The following ST6GALNAC3 variants were observed in gnomAD, a reference collection of about 807,000 sequenced individuals.
ST6GALNAC3 encodes the protein alpha-N-acetylgalactosaminide alpha-2,6-sialyltransferase 3.
ST6GALNAC3 carries 25 observed loss-of-function variants against 32.7 expected under a neutral mutation model. That is an observed-to-expected ratio of 0.76 (90% CI 0.56 to 1.07). The LOEUF (loss-of-function observed/expected upper bound fraction) is 1.07, where lower values mean the gene tolerates loss of function less well. ST6GALNAC3 is among the 50% of genes least tolerant of loss of function. ST6GALNAC3 has a pLI of 0.00. For missense variants in ST6GALNAC3, 355 were observed against 382.4 expected (o/e 0.93, Z 0.60); for synonymous variants, 129 against 133.1 (o/e 0.97, Z 0.21).
chr1:76,572,107 A>C lies in ST6GALNAC3; in HGVS notation c.624-55345A>C, dbSNP rs183627934. Among the ~76,000 whole-genome samples, 541 of 148,002 alleles carry C rather than the reference A, an allele frequency of 3.7e-3. 1 individual carries two copies. Among genetic ancestry groups the C allele is most frequent in the Non-Finnish European group, 5.2e-3 (350 of 67,902 alleles). ...AAAAACATCATTCAGAATTGTTGCT[A>C]TCATTCCTTTTTTTTCCTCTTTTTT... On this transcript the variant is annotated intron_variant, in intron 3 of 4. Coordinates refer to ENST00000328299, the MANE Select transcript of ST6GALNAC3 (RefSeq NM_152996.4).
chr1:76,121,123 C>T (rs1648845925), intron 1 of ST6GALNAC3, among the ~76,000 whole-genome samples: 1 of 152,204 alleles, frequency 6.6e-6, no homozygotes, highest in Non-Finnish European at 1.5e-5. Flanking sequence ...ACAATCCCCC[C>T]ATCTCAAGAT....
chr1:76,159,007 G>GGTCGT (rs1388547283), intron 1 of ST6GALNAC3, among the ~76,000 whole-genome samples: 1 of 152,112 alleles, frequency 6.6e-6, no homozygotes, highest in Non-Finnish European at 1.5e-5. Flanking sequence ...AATGTGCCAG[G>GGTCGT]GTCGTGTGGT....
intron 2 of ST6GALNAC3, among the ~76,000 whole-genome samples, chr1:76,401,430 C>G (rs957232469): frequency 6.6e-6 from 1 of 152,108 alleles, no homozygotes; most frequent in African/African-American, 2.4e-5. Context: ...CACTAGACTC[C>G]AATCTCATTG....
chr1:76,174,275 C>T (rs1413497299), intron 1 of ST6GALNAC3, among the ~76,000 whole-genome samples: 6 of 152,214 alleles, frequency 3.9e-5, no homozygotes, highest in South Asian at 2.1e-4. Context: ...ATTGTGAATA[C>T]GTGGACACAG....
intron 2 of ST6GALNAC3, among the ~76,000 whole-genome samples, chr1:76,374,490 C>T (rs1169015157): frequency 2.0e-5 from 3 of 152,164 alleles, no homozygotes; most frequent in Non-Finnish European, 2.9e-5. Context: ...TTTTATTACA[C>T]TTTTATAATC....
chr1:76,611,959 A>G (rs922273873), intron 3 of ST6GALNAC3, among the ~76,000 whole-genome samples: 3 of 152,234 alleles, frequency 2.0e-5, no homozygotes, highest in Non-Finnish European at 4.4e-5. Context: ...ACCCAGCTGT[A>G]CTTTCTCAGT....
chr1:76,225,158 T>A (rs1379292142), intron 1 of ST6GALNAC3, among the ~76,000 whole-genome samples: 1 of 152,088 alleles, frequency 6.6e-6, no homozygotes, highest in Non-Finnish European at 1.5e-5. Context: ...TTTCAAAGTG[T>A]ATTTGATGCA....
intron 2 of ST6GALNAC3, among the ~76,000 whole-genome samples, chr1:76,347,354 TCCACCCAC>T (rs1052552476): frequency 2.0e-5 from 3 of 152,146 alleles, no homozygotes; most frequent in African/African-American, 7.2e-5. Context: ...CATCCATTCA[TCCACCCAC>T]CCACTTACTT....
rs79596239 is a variant in ST6GALNAC3, at chr1:76,089,925, A to G, written c.18+15041A>G. Among the ~76,000 whole-genome samples the G allele has an allele frequency of 7.3e-3, 1,109 of 152,334 alleles. 9 individuals are homozygous for G. Among genetic ancestry groups the G allele is most frequent in the African/African-American group, 0.026 (1,065 of 41,578 alleles). On this transcript the variant is annotated intron_variant, in intron 1 of 4. Transcript: ENST00000328299. Reference sequence around the variant, plus strand: ...ACTTTATAGCATCTCTTTGAGGTAGATGTGTCCCCATTTTATAAATGGAGA... The same window carrying G: ...ACTTTATAGCATCTCTTTGAGGTAGGTGTGTCCCCATTTTATAAATGGAGA...
intron 2 of ST6GALNAC3, among the ~76,000 whole-genome samples, chr1:76,323,751 A>G (rs1229954406): frequency 6.6e-6 from 1 of 152,240 alleles, no homozygotes; most frequent in African/African-American, 2.4e-5. Flanking sequence ...TGGAGATAAT[A>G]CTTCAAAATA....
intron 1 of ST6GALNAC3, among the ~76,000 whole-genome samples, chr1:76,295,253 C>A (rs1660330535): frequency 6.6e-6 from 1 of 152,052 alleles, no homozygotes; most frequent in Non-Finnish European, 1.5e-5. Context: ...ATTTTTCAAA[C>A]TAAAGAGACC....
At chr1:76,456,808 T>C (rs1347197771) in intron 3 of ST6GALNAC3, among the ~76,000 whole-genome samples, 1 of 152,246 alleles carries the variant, frequency 6.6e-6, no homozygotes, top group East Asian at 1.9e-4. Context: ...AGGGATGCCC[T>C]CTCTCACCAC....
At chr1:76,145,313 A>G (rs1650605247) in intron 1 of ST6GALNAC3, among the ~76,000 whole-genome samples, 1 of 152,174 alleles carries the variant, frequency 6.6e-6, no homozygotes, top group Non-Finnish European at 1.5e-5. Flanking sequence ...CTTTTCACCC[A>G]GTCTATTTCA....
At chr1:76,592,930 A>G (rs1156614267) in intron 3 of ST6GALNAC3, among the ~76,000 whole-genome samples, 2 of 152,184 alleles carry the variant, frequency 1.3e-5, no homozygotes, top group Admixed American at 1.3e-4. Context: ...ACTATTTTAT[A>G]CAAATCCACT....
At chr1:76,465,428 C>T (rs948807647) in intron 3 of ST6GALNAC3, among the ~76,000 whole-genome samples, 5 of 152,084 alleles carry the variant, frequency 3.3e-5, no homozygotes, top group South Asian at 2.1e-4. Context: ...CTGTCAGTGT[C>T]GTCTCAATGG....
At chr1:76,084,869 T>A (rs1646944780) in intron 1 of ST6GALNAC3, among the ~76,000 whole-genome samples, 1 of 152,204 alleles carries the variant, frequency 6.6e-6, no homozygotes. Flanking sequence ...GCTTTCTGCA[T>A]GTCAGGCAGC....
intron 3 of ST6GALNAC3, among the ~76,000 whole-genome samples, chr1:76,438,985 AT>A (rs1656358343): frequency 6.6e-6 from 1 of 152,246 alleles, no homozygotes; most frequent in Non-Finnish European, 1.5e-5. Flanking sequence ...CTCAATAAAT[AT>A]TAATTTGGAA....
chr1:76,376,584 T>G (rs1651254299), intron 2 of ST6GALNAC3, among the ~76,000 whole-genome samples: 2 of 152,234 alleles, frequency 1.3e-5, no homozygotes, highest in Admixed American at 6.5e-5. Context: ...GATAGGATTT[T>G]TATATTCAGC....
intron 1 of ST6GALNAC3, among the ~76,000 whole-genome samples, chr1:76,187,732 AAC>A (rs141057348): frequency 6.6e-6 from 1 of 151,438 alleles, no homozygotes; most frequent in African/African-American, 2.4e-5. Context: ...CCCCACTCCA[AAC>A]ACACACACAC....
Sources: gnomAD v4.1 joint callset for allele counts (sites outside exome capture counted in the v4.1 genomes callset) on GRCh38, gnomAD v4.1.1 for gene constraint, MANE v1.5 for transcripts, NCBI Gene and HGNC (gene_info 2026-07-23, HGNC 2026-07-21) for gene names.